The following SLC16A3 variants were observed in gnomAD, a reference collection of about 807,000 sequenced individuals.
SLC16A3 encodes the protein solute carrier family 16 member 3.
SLC16A3 carries 22 observed loss-of-function variants against 25.0 expected under a neutral mutation model. The observed-to-expected ratio is 0.88, with a 90% CI of 0.63 to 1.26. The LOEUF (loss-of-function observed/expected upper bound fraction) is 1.26. Among genes scored for constraint, SLC16A3 ranks in the 50% most tolerant of loss-of-function variants. The pLI, the probability that SLC16A3 is intolerant of heterozygous loss-of-function variation, is 0.00. For missense variants in SLC16A3, 731 were observed against 666.6 expected, an observed-to-expected ratio of 1.10 and a Z score of -1.06; for synonymous variants, 390 against 309.2, an observed-to-expected ratio of 1.26 and a Z score of -2.74.
rs113201258 is a variant in SLC16A3, at chr17:82,239,803, C to G, written c.*827C>G. 176 of 402,380 alleles carry G rather than the reference C, an allele frequency of 4.4e-4. 1 individual carries two copies. The highest frequency in any genetic ancestry group is 3.2e-3 in the African/African-American group (154 of 48,800). The allele number at this position is 402,380 out of a possible 1,614,324, so 24.9% of individuals were successfully genotyped here. ...CTGCCTTCCCTTTTTCGCCCCTCTGCCTGGCTGGCAGTGTGCGTGGTGTGG... is the reference window on the plus strand; with the variant it reads ...CTGCCTTCCCTTTTTCGCCCCTCTGGCTGGCTGGCAGTGTGCGTGGTGTGG... On this transcript the variant is annotated 3_prime_UTR_variant, in exon 5 of 5. Coordinates refer to ENST00000582743, the MANE Select transcript of SLC16A3 (RefSeq NM_004207.4).
chr17:82,222,916 C>T (rs1429917593), intron 1 of SLC16A3, among the ~76,000 whole-genome samples: 1 of 152,010 alleles, frequency 6.6e-6, no homozygotes, highest in East Asian at 1.9e-4. Flanking sequence ...CCACACCCTG[C>T]AGGGCTCCAT....
chr17:82,228,738 G>A (rs1357029688), upstream of SLC16A3, among the ~76,000 whole-genome samples: 1 of 152,120 alleles, frequency 6.6e-6, no homozygotes, highest in Non-Finnish European at 1.5e-5. Flanking sequence ...CGGCGGGGCG[G>A]AGGGGCGAAG....
Position 82,238,857 on chromosome 17 carries a change from G to A in SLC16A3, c.1279G>A (p.Glu427Lys). ...GCCTGAGGTGGCGGCCGCGGAGGAGGAGAAGCTCCACAAGCCTCCTGCAGA... is the reference window on the plus strand; with the variant it reads ...GCCTGAGGTGGCGGCCGCGGAGGAGAAGAAGCTCCACAAGCCTCCTGCAGA... The part of the protein sequence containing the change: ...PQPEVAAAEE[E>K]KLHKPPADSG... The change falls in exon 5 of 5, where the codon GAG becomes AAG. Residue 427 changes from glutamate (E) to lysine (K), a missense_variant. Transcript: ENST00000582743. 1 of 1,612,514 alleles carries A rather than the reference G, an allele frequency of 6.2e-7. No homozygotes were observed. Among genetic ancestry groups the A allele is most frequent in the Non-Finnish European group, 8.5e-7 (1 of 1,179,626 alleles).
At position 82,236,099 on chromosome 17, in the gene SLC16A3, A is replaced by G. The variant is rs1201484903; in HGVS notation, c.91A>G (p.Ile31Val). The change falls in exon 2 of 5, where the codon ATC becomes GTC. Residue 31 changes from isoleucine (I) to valine (V), a missense_variant. Physicochemically the swap from Ile to Val is conservative, Grantham distance 29 (BLOSUM62 3). Coordinates refer to ENST00000582743, the MANE Select transcript of SLC16A3 (RefSeq NM_004207.4). ...GGCCGTGCTCTTCGGCTGTTTCGTC[A>G]TCACTGGCTTCTCCTACGCCTTCCC... ...GWAVLFGCFVITGFSYAFPKA... is the reference protein window; with the variant it reads ...GWAVLFGCFVVTGFSYAFPKA... The G allele has an allele frequency of 2.5e-6, 4 of 1,613,132 alleles. No homozygotes were observed. The East Asian group carries it at 8.9e-5, about 36-fold the overall frequency.
At chr17:82,238,666 G>C in intron 4 of SLC16A3, 36 bp from the exon 5 acceptor site, 1 of 1,578,564 alleles carries the variant, frequency 6.3e-7, no homozygotes, top group Admixed American at 1.7e-5. Context: ...GGGGCAGCCC[G>C]CATGAGCGGC....
intron 1 of SLC16A3, among the ~76,000 whole-genome samples, chr17:82,222,721 C>A (rs993722470): frequency 6.7e-6 from 1 of 149,976 alleles, no homozygotes; most frequent in South Asian, 2.1e-4. Flanking sequence ...GAGAATCACT[C>A]GAACCAGGGA....
chr17:82,233,345 T>G (rs1328017107), intron 1 of SLC16A3, among the ~76,000 whole-genome samples: 1 of 152,162 alleles, frequency 6.6e-6, no homozygotes, highest in Non-Finnish European at 1.5e-5. Flanking sequence ...CCTCCCCACA[T>G]GAGCGTCACG....
upstream of SLC16A3, chr17:82,228,649 C>A (rs554182913): frequency 1.1e-3 from 165 of 152,480 alleles, no homozygotes; most frequent in Middle Eastern, 3.4e-3. Context: ...GGGGCCCCGG[C>A]GTTGGGGGGC....
chr17:82,218,022 G>A (rs1424412660), exon 1 of SLC16A3, among the ~76,000 whole-genome samples: 1 of 152,254 alleles, frequency 6.6e-6, no homozygotes, highest in Non-Finnish European at 1.5e-5. Context: ...AAGGCCAAGG[G>A]CACTTCAGAA....
Position 82,237,154 on chromosome 17 carries a change from C to G in SLC16A3, c.384C>G (p.Leu128=), listed in dbSNP as rs1358687581. Residue 128 remains leucine, a synonymous_variant, in exon 4 of 5, where the codon CTC becomes CTG. Coordinates refer to ENST00000582743, the MANE Select transcript of SLC16A3 (RefSeq NM_004207.4). ...TGVITGLGLA[L]NFQPSLIMLN... Reference sequence around the variant, plus strand: ...TTCCTCCAGGGTTGGGTTTGGCACTCAACTTCCAGCCCTCGCTCATCATGC... The same window carrying G: ...TTCCTCCAGGGTTGGGTTTGGCACTGAACTTCCAGCCCTCGCTCATCATGC... 3 of 1,508,596 alleles carry G rather than the reference C, an allele frequency of 2.0e-6. No individual in the cohort carries two copies. Among genetic ancestry groups the G allele is most frequent in the Admixed American group, 4.4e-5 (2 of 45,358 alleles). The allele number at this position is 1,508,596 out of a possible 1,614,324, so 93.5% of individuals were successfully genotyped here.
chr17:82,237,820 C>G lies in SLC16A3; in HGVS notation c.1050C>G (p.His350Gln), dbSNP rs1215663642. The change falls in exon 4 of 5, where the codon CAC becomes CAG. Residue 350 changes from histidine to glutamine, a missense_variant. Transcript: ENST00000582743. Reference sequence around the variant, plus strand: ...TGCTCATGGCCATCGTGGGCACCCACAAGTTCTCCAGTGCCATTGGCCTGG... The same window carrying G: ...TGCTCATGGCCATCGTGGGCACCCAGAAGTTCTCCAGTGCCATTGGCCTGG... ...FEVLMAIVGTHKFSSAIGLVL... is the reference protein window; with the variant it reads ...FEVLMAIVGTQKFSSAIGLVL... 6.2e-6 allele frequency: 10 copies of G among 1,609,370 alleles called. No homozygotes were observed. The highest frequency in any genetic ancestry group is 4.4e-5 in the South Asian group (4 of 91,088).
At chr17:82,221,447 G>A (rs1293841791) in intron 1 of SLC16A3, among the ~76,000 whole-genome samples, 6 of 151,868 alleles carry the variant, frequency 4.0e-5, no homozygotes, top group South Asian at 2.1e-4. Context: ...CTTGCCTATC[G>A]TCCCAGCTAC....
Position 82,237,259 on chromosome 17 carries a change from G to T in SLC16A3, c.489G>T (p.Leu163=). 1 of 1,564,134 alleles carries T rather than the reference G, an allele frequency of 6.4e-7. No individual in the cohort carries two copies. ...GTAGCCCTGTCTTCCTGTGTGCCCT[G>T]AGCCCGCTGGGGCAGCTGCTGCAGG... ...AAGSPVFLCA[L]SPLGQLLQDR... Residue 163 remains leucine, a synonymous_variant, in exon 4 of 5, where the codon CTG becomes CTT. Coordinates refer to ENST00000582743, the MANE Select transcript of SLC16A3 (RefSeq NM_004207.4).
intron 1 of SLC16A3, among the ~76,000 whole-genome samples, chr17:82,222,660 T>G (rs939470230): frequency 6.6e-6 from 1 of 151,904 alleles, no homozygotes; most frequent in Non-Finnish European, 1.5e-5. Context: ...AAAAATTAGC[T>G]GGGCGTGATG....
At chr17:82,234,009 T>A (rs1440246794) in intron 1 of SLC16A3, 3 of 152,066 alleles carry the variant, frequency 2.0e-5, no homozygotes, top group Non-Finnish European at 4.4e-5. Context: ...CCCAGCTAAT[T>A]TTTTTTATTT....
chr17:82,236,621 G>T lies in SLC16A3; in HGVS notation c.224-108G>T, dbSNP rs1004512072. The stretch of plus-strand genomic sequence containing the variant: ...GGGTGCCCCTGGTGCCCCGCGGGGG[G>T]AGGGGTGGTGTGGGAAGGGGAGGCC... On this transcript the variant is annotated intron_variant, in intron 2 of 4. Transcript: ENST00000582743. The T allele has an allele frequency of 5.4e-6, 8 of 1,477,564 alleles. 1 individual carries two copies. Among genetic ancestry groups the T allele is most frequent in the Admixed American group, 1.9e-5 (1 of 52,626 alleles). 91.5% of individuals were successfully genotyped at this position (1,477,564 alleles called of 1,614,324 possible).
intron 1 of SLC16A3, chr17:82,234,082 C>A (rs147095609): frequency 6.6e-6 from 1 of 152,174 alleles, no homozygotes; most frequent in Non-Finnish European, 1.5e-5. Flanking sequence ...CCTCGTGATC[C>A]GCCCGCCTTG....
Position 82,238,758 on chromosome 17 carries a change from G to C in SLC16A3, c.1180G>C (p.Glu394Gln), listed in dbSNP as rs533627343. The C allele has an allele frequency of 6.2e-7, 1 of 1,612,652 alleles. No individual in the cohort carries two copies. Among genetic ancestry groups the C allele is most frequent in the African/African-American group, 1.3e-5 (1 of 75,038 alleles). Reference sequence around the variant, plus strand: ...GTACGTGTTCATCCTGGCGGGGGCCGAGGTGCTCACCTCCTCCCTGATTTT... The same window carrying C: ...GTACGTGTTCATCCTGGCGGGGGCCCAGGTGCTCACCTCCTCCCTGATTTT... ...YMYVFILAGA[E>Q]VLTSSLILLL... The change falls in exon 5 of 5, where the codon GAG becomes CAG. Residue 394 changes from glutamate (E) to glutamine (Q), a missense_variant. Transcript: ENST00000582743.
At chr17:82,226,796 C>T (rs755538035), upstream of SLC16A3, among the ~76,000 whole-genome samples, 2 of 152,136 alleles carry the variant, frequency 1.3e-5, no homozygotes, top group Non-Finnish European at 2.9e-5. Flanking sequence ...GTCTCGGAGG[C>T]TCTGGCCCCA....
Sources: gnomAD v4.1 joint callset for allele counts (sites outside exome capture counted in the v4.1 genomes callset) on GRCh38, gnomAD v4.1.1 for gene constraint, MANE v1.5 for transcripts, NCBI Gene and HGNC (gene_info 2026-07-23, HGNC 2026-07-21) for gene names.